Variants in COL4A2 observed in about 807,000 individuals in gnomAD.
The protein encoded by COL4A2 is collagen alpha-2(IV) chain.
COL4A2 carries 99 observed loss-of-function variants against 200.2 expected under a neutral mutation model. The ratio of observed to expected loss-of-function variants is 0.49; its 90% CI spans 0.42 to 0.58. The LOEUF (loss-of-function observed/expected upper bound fraction) is 0.58, where lower values mean the gene tolerates loss of function less well. Ranked by LOEUF, COL4A2 falls within the 20% of genes least tolerant of loss-of-function variation. COL4A2 has a pLI of 0.00. For missense variants in COL4A2, 1,950 were observed against 2,314.1 expected, an observed-to-expected ratio of 0.84 and a Z score of 3.23; for synonymous variants, 897 against 900.6, an observed-to-expected ratio of 1.00 and a Z score of 0.07.
intron 28 of COL4A2, among the ~76,000 whole-genome samples, chr13:110,472,113 C>CTTTTTTTTT (rs112919154): frequency 1.4e-5 from 2 of 145,946 alleles, no homozygotes; most frequent in African/African-American, 2.5e-5. Flanking sequence ...TTTCTTTTTT[C>CTTTTTTTTT]TTTTTATTTT....
At chr13:110,418,068 A>G (rs1229484659) in intron 4 of COL4A2, among the ~76,000 whole-genome samples, 4 of 151,968 alleles carry the variant, frequency 2.6e-5, no homozygotes, top group African/African-American at 9.7e-5. Flanking sequence ...TTTTCTGTGT[A>G]TGTTCACCAT....
chr13:110,331,466 G>A (rs914868964), intron 3 of COL4A2, among the ~76,000 whole-genome samples: 1 of 152,206 alleles, frequency 6.6e-6, no homozygotes, highest in Non-Finnish European at 1.5e-5. Context: ...GGCTGCCTTG[G>A]CCCATGCAGA....
At chr13:110,371,271 A>C (rs1465489441) in intron 4 of COL4A2, among the ~76,000 whole-genome samples, 1 of 152,228 alleles carries the variant, frequency 6.6e-6, no homozygotes, top group South Asian at 2.1e-4. Flanking sequence ...TCCTACAATT[A>C]AGATACTTAT....
intron 29 of COL4A2, among the ~76,000 whole-genome samples, chr13:110,477,357 C>T (rs66941288): frequency 0.13 from 19,040 of 152,238 alleles, 1,277 homozygotes; most frequent in Middle Eastern, 0.2. Flanking sequence ...TCAGTGCTAA[C>T]GCTCAGTGCT....
chr13:110,407,548 T>C (rs1009594644), intron 4 of COL4A2, among the ~76,000 whole-genome samples: 1 of 152,214 alleles, frequency 6.6e-6, no homozygotes, highest in African/African-American at 2.4e-5. Flanking sequence ...TTCACGTTTT[T>C]ACATTAGAAA....
chr13:110,507,775 G>C (rs975298571), intron 46 of COL4A2, 160 bp from the exon 47 acceptor site: 27 of 664,636 alleles, frequency 4.1e-5, no homozygotes, highest in Non-Finnish European at 6.1e-5. Flanking sequence ...GAAAAAGAAA[G>C]AAATTGGGAA....
rs375615259 is a variant in COL4A2 at position 110,347,582 on chromosome 13, C to T, written c.100-9890C>T. Among the ~76,000 whole-genome samples, 13 of 152,360 alleles carry T rather than the reference C, an allele frequency of 8.5e-5. No homozygotes were observed. In the East Asian group the frequency reaches 2.3e-3, roughly 27 times the overall value. On this transcript the variant is annotated intron_variant, in intron 3 of 47. Coordinates refer to ENST00000360467, the MANE Select transcript of COL4A2 (RefSeq NM_001846.4). ...CATCCCTCCACTGTCATTCAGCCTG[C>T]TTTAAATGTCTCAGGATGACTAATG...
chr13:110,308,589 G>A (rs1190469856), intron 3 of COL4A2, among the ~76,000 whole-genome samples: 2 of 152,136 alleles, frequency 1.3e-5, no homozygotes, highest in Non-Finnish European at 1.5e-5. Flanking sequence ...GGGGCGAGGA[G>A]GCGAACGAGA....
At chr13:110,492,283 A>T in intron 38 of COL4A2, 106 bp downstream of exon 38, 2 of 965,838 alleles carry the variant, frequency 2.1e-6, no homozygotes, top group East Asian at 5.4e-5. Context: ...TAAGGCCCAT[A>T]CGAGAGCAAA....
chr13:110,482,278 T>C (rs550712661), intron 31 of COL4A2, among the ~76,000 whole-genome samples: 4 of 152,360 alleles, frequency 2.6e-5, no homozygotes, highest in African/African-American at 9.6e-5. Context: ...GATCTTTGTG[T>C]GTTTCCTTGT....
At chr13:110,360,794 C>G (rs574169634) in intron 4 of COL4A2, among the ~76,000 whole-genome samples, 5 of 145,358 alleles carry the variant, frequency 3.4e-5, no homozygotes, top group African/African-American at 7.5e-5. Flanking sequence ...TACCCGCCCC[C>G]CACCCCGGGG....
chr13:110,485,181 C>T (rs530654329), intron 33 of COL4A2, among the ~76,000 whole-genome samples, 154 bp downstream of exon 33: 22 of 152,150 alleles, frequency 1.4e-4, no homozygotes, highest in East Asian at 5.8e-4. Flanking sequence ...CCATAGCTGG[C>T]GCAGGGTTGT....
chr13:110,332,215 A>G (rs1875949899), intron 3 of COL4A2, among the ~76,000 whole-genome samples: 1 of 152,220 alleles, frequency 6.6e-6, no homozygotes, highest in African/African-American at 2.4e-5. Context: ...TTATTAGCCA[A>G]GTATACATTA....
chr13:110,455,652 G>A (rs183411558), intron 20 of COL4A2, among the ~76,000 whole-genome samples: 42 of 152,266 alleles, frequency 2.8e-4, no homozygotes, highest in Admixed American at 2.7e-3. Flanking sequence ...CATAGGCACG[G>A]GATAAGTGTT....
intron 3 of COL4A2, among the ~76,000 whole-genome samples, chr13:110,314,450 T>C (rs1256773832): frequency 6.6e-6 from 1 of 152,180 alleles, no homozygotes. Flanking sequence ...CTCTTCCACT[T>C]AGTGGAAAAT....
At chr13:110,414,776 T>G (rs1437102701) in intron 4 of COL4A2, among the ~76,000 whole-genome samples, 1 of 152,252 alleles carries the variant, frequency 6.6e-6, no homozygotes, top group Non-Finnish European at 1.5e-5. Flanking sequence ...TGCTAGGGAA[T>G]GAGGCTTGTG....
chr13:110,442,776 T>C (rs1296946664), intron 16 of COL4A2, among the ~76,000 whole-genome samples: 6 of 152,272 alleles, frequency 3.9e-5, no homozygotes, highest in African/African-American at 1.4e-4. Context: ...AACATATCTT[T>C]AGTAACTGAG....
rs571795767 is a variant in COL4A2 at position 110,311,099 on chromosome 13, G to A, written c.99+2976G>A. 5.9e-5 allele frequency among the ~76,000 whole-genome samples: 9 copies of A among 152,202 alleles called. No homozygotes were observed. In the South Asian group the frequency reaches 1.5e-3, roughly 25 times the overall value. ...CTTGACCGTGGACTAACAGTGGAGCGGGCACTGATTCCTAGGAAGGAGGCT... is the reference window on the plus strand; with the variant it reads ...CTTGACCGTGGACTAACAGTGGAGCAGGCACTGATTCCTAGGAAGGAGGCT... On this transcript the variant is annotated intron_variant, in intron 3 of 47. Coordinates refer to ENST00000360467, the MANE Select transcript of COL4A2 (RefSeq NM_001846.4).
chr13:110,325,427 T>G (rs1285162733), intron 3 of COL4A2, among the ~76,000 whole-genome samples: 1 of 152,188 alleles, frequency 6.6e-6, no homozygotes, highest in Non-Finnish European at 1.5e-5. Flanking sequence ...TTAAAACATC[T>G]CTCAGACAGA....
Sources: allele counts gnomAD v4.1 joint callset (sites outside exome capture counted in the v4.1 genomes callset), GRCh38; gene constraint gnomAD v4.1.1; transcripts MANE v1.5; gene names NCBI Gene and HGNC (gene_info 2026-07-23, HGNC 2026-07-21).